FSTL4: variants seen among roughly 807,000 people sequenced by gnomAD.
The protein encoded by FSTL4 is follistatin like 4.
A neutral mutation model predicts 78.2 loss-of-function variants in FSTL4; 28 were observed. That is an observed-to-expected ratio of 0.36 (90% CI 0.27 to 0.49). The LOEUF (loss-of-function observed/expected upper bound fraction) is 0.49. Ranked by LOEUF, FSTL4 falls within the 20% of genes least tolerant of loss-of-function variation. The probability of loss-of-function intolerance (pLI) is 0.98; values close to 1 mark genes in which losing one functional copy is unlikely to be tolerated. For synonymous variants in FSTL4, 422 were observed against 440.5 expected, an observed-to-expected ratio of 0.96 and a Z score of 0.53; for missense variants, 922 against 1,084.9, an observed-to-expected ratio of 0.85 and a Z score of 2.11.
intron 6 of FSTL4, among the ~76,000 whole-genome samples, chr5:133,259,517 TC>T (rs1444136658): frequency 4.9e-4 from 54 of 110,958 alleles, no homozygotes; most frequent in African/African-American, 1.6e-3. Context: ...GATTTTTTTT[TC>T]TTTTTTTTTT....
chr5:133,710,952 T>C, the FSTL4 span, among the ~76,000 whole-genome samples: 1 of 152,216 alleles, frequency 6.6e-6, no homozygotes, highest in African/African-American at 2.4e-5. Context: ...AACAAATATA[T>C]GCACAAATGA....
rs187111407 is a variant in FSTL4, at chr5:133,484,840, A to G, written c.160+82346T>C. Among the ~76,000 whole-genome samples the G allele has an allele frequency of 1.9e-3, 289 of 152,312 alleles. 3 individuals are homozygous for G. The highest frequency in any genetic ancestry group is 6.8e-3 in the African/African-American group (281 of 41,564). ...GGGGATTCCTTCCTTCTTACTTTGC[A>G]TAGGTGTCATAGAATTAGTTGAGAT... On this transcript the variant is annotated intron_variant, in intron 3 of 15. Transcript: ENST00000265342.
intron 4 of FSTL4, among the ~76,000 whole-genome samples, chr5:133,396,277 G>C (rs922998827): frequency 6.6e-6 from 1 of 152,182 alleles, no homozygotes; most frequent in Admixed American, 6.5e-5. Flanking sequence ...CATGCCAGGT[G>C]CTGCTCCTGT....
At chr5:133,374,171 C>T (rs1260680451) in intron 4 of FSTL4, among the ~76,000 whole-genome samples, 1 of 152,184 alleles carries the variant, frequency 6.6e-6, no homozygotes, top group Non-Finnish European at 1.5e-5. Context: ...TCCAACTGCC[C>T]ACACTCAGAC....
At chr5:133,241,933 C>T (rs1361469041) in intron 7 of FSTL4, among the ~76,000 whole-genome samples, 3 of 152,202 alleles carry the variant, frequency 2.0e-5, no homozygotes, top group East Asian at 3.9e-4. Context: ...CCTTCTATGG[C>T]TCATTTCAGG....
the FSTL4 span, among the ~76,000 whole-genome samples, chr5:133,733,424 C>A: frequency 6.6e-6 from 1 of 152,134 alleles, no homozygotes; most frequent in Admixed American, 6.5e-5. Flanking sequence ...CACAAAACAC[C>A]CCCATGTGAA....
intron 6 of FSTL4, among the ~76,000 whole-genome samples, chr5:133,259,413 G>C (rs1470491804): frequency 6.6e-6 from 1 of 152,082 alleles, no homozygotes; most frequent in Non-Finnish European, 1.5e-5. Flanking sequence ...ATGTGGCACA[G>C]ATGCGGTCAG....
chr5:133,312,900 A>G (rs1371448383), intron 5 of FSTL4, 123 bp from the exon 6 acceptor site: 19 of 815,532 alleles, frequency 2.3e-5, no homozygotes, highest in Non-Finnish European at 3.6e-5. Context: ...GGGGTACCTG[A>G]AGCTCTTTGA....
intron 4 of FSTL4, among the ~76,000 whole-genome samples, chr5:133,383,879 C>T (rs1755636933): frequency 6.6e-6 from 1 of 152,224 alleles, no homozygotes; most frequent in South Asian, 2.1e-4. Context: ...TGCTCTGCCA[C>T]TCCTCTCCCT....
intron 4 of FSTL4, chr5:133,387,893 T>C (rs1281532434): frequency 6.6e-6 from 1 of 152,078 alleles, no homozygotes; most frequent in Non-Finnish European, 1.5e-5. Flanking sequence ...GGTCTCTGGA[T>C]ACACCAGTGA....
intron 2 of FSTL4, among the ~76,000 whole-genome samples, chr5:133,595,509 T>A (rs186363175): frequency 3.4e-4 from 52 of 152,328 alleles, no homozygotes; most frequent in African/African-American, 1.2e-3. Context: ...AGTCCCAAGA[T>A]ATTTACCACT....
At chr5:133,244,781 G>A (rs951507790) in intron 7 of FSTL4, 1 of 152,386 alleles carries the variant, frequency 6.6e-6, no homozygotes, top group Non-Finnish European at 1.5e-5. Flanking sequence ...GGTGTCCTTA[G>A]GAGACATACC....
intron 6 of FSTL4, among the ~76,000 whole-genome samples, chr5:133,249,934 C>T (rs1752168378): frequency 6.6e-6 from 1 of 152,226 alleles, no homozygotes; most frequent in African/African-American, 2.4e-5. Context: ...GCCCTGCTCA[C>T]AGCTCCCCTG....
At chr5:133,646,690 T>G in the FSTL4 span, among the ~76,000 whole-genome samples, 1 of 152,010 alleles carries the variant, frequency 6.6e-6, no homozygotes, top group Admixed American at 6.6e-5. Context: ...CAGGAATTGA[T>G]GGATATGGGA....
intron 6 of FSTL4, among the ~76,000 whole-genome samples, chr5:133,303,938 C>T (rs1033594191): frequency 6.6e-6 from 1 of 152,180 alleles, no homozygotes; most frequent in African/African-American, 2.4e-5. Context: ...AGGCAGTGGG[C>T]TTGGGGGCAC....
chr5:133,610,877 A>C (rs1382352111), intron 1 of FSTL4, among the ~76,000 whole-genome samples: 1 of 152,100 alleles, frequency 6.6e-6, no homozygotes, highest in Non-Finnish European at 1.5e-5. Context: ...ACAGATTGTG[A>C]CACAGGCCCA....
At chr5:133,755,072 G>A in the FSTL4 span, among the ~76,000 whole-genome samples, 3 of 151,858 alleles carry the variant, frequency 2.0e-5, no homozygotes, top group Non-Finnish European at 4.4e-5. Flanking sequence ...TTCCTCATAG[G>A]CTCCTCCTGC....
At chr5:133,832,898 C>T in the FSTL4 span, among the ~76,000 whole-genome samples, 5 of 152,080 alleles carry the variant, frequency 3.3e-5, no homozygotes, top group Admixed American at 3.3e-4. Context: ...TGGTGTATTC[C>T]CATAAAACTT....
chr5:133,640,136 T>C, the FSTL4 span, among the ~76,000 whole-genome samples: 11 of 152,166 alleles, frequency 7.2e-5, no homozygotes, highest in Non-Finnish European at 1.5e-4. Context: ...TCTTTAAGGC[T>C]TTTCACTCTG....
Sources: gnomAD v4.1 joint callset for allele counts (sites outside exome capture counted in the v4.1 genomes callset) on GRCh38, gnomAD v4.1.1 for gene constraint, MANE v1.5 for transcripts, NCBI Gene and HGNC (gene_info 2026-07-23, HGNC 2026-07-21) for gene names.